The following LHFPL6 variants were observed in gnomAD, a reference collection of about 807,000 sequenced individuals.
LHFPL6 encodes LHFPL tetraspan subfamily member 6.
In LHFPL6, 9 loss-of-function variants were observed where a neutral mutation model predicts 20.6. The ratio of observed to expected loss-of-function variants is 0.44; its 90% confidence interval spans 0.26 to 0.76. LHFPL6 has a LOEUF of 0.76. LHFPL6 is among the 30% of genes least tolerant of loss of function. The pLI is 0.20. For synonymous variants in LHFPL6, 105 were observed against 98.7 expected, an observed-to-expected ratio of 1.06 and a Z score of -0.38; for missense variants, 218 against 253.5, an observed-to-expected ratio of 0.86 and a Z score of 0.95.
chr13:39,429,548 A>T (rs148728459), intron 2 of LHFPL6, among the ~76,000 whole-genome samples: 1 of 152,236 alleles, frequency 6.6e-6, no homozygotes, highest in Admixed American at 6.5e-5. Context: ...TTACATTTTT[A>T]TACAATCTGA....
intron 2 of LHFPL6, among the ~76,000 whole-genome samples, chr13:39,392,187 T>C (rs1189431043): frequency 6.6e-6 from 1 of 152,134 alleles, no homozygotes; most frequent in Non-Finnish European, 1.5e-5. Context: ...ATAAAGTATT[T>C]TACAAAGGAA....
chr13:39,497,824 T>A (rs1016894700), intron 2 of LHFPL6, among the ~76,000 whole-genome samples: 6 of 152,216 alleles, frequency 3.9e-5, no homozygotes, highest in Non-Finnish European at 8.8e-5. Context: ...AATAGCATTA[T>A]CTGATTTAAT....
intron 2 of LHFPL6, among the ~76,000 whole-genome samples, chr13:39,576,171 T>C (rs867215414): frequency 2.0e-5 from 3 of 152,228 alleles, no homozygotes; most frequent in Non-Finnish European, 4.4e-5. Flanking sequence ...AAGCCCATTT[T>C]TCACTGCTCT....
At chr13:39,417,508 G>T (rs9548758) in intron 2 of LHFPL6, among the ~76,000 whole-genome samples, 1 of 151,916 alleles carries the variant, frequency 6.6e-6, no homozygotes, top group African/African-American at 2.4e-5. Flanking sequence ...CTTTCCACCC[G>T]CTCAAAAGGC....
chr13:39,563,282 A>G (rs7983392), intron 2 of LHFPL6, among the ~76,000 whole-genome samples: 8,405 of 152,290 alleles, frequency 0.055, 377 homozygotes, highest in African/African-American at 0.12. Flanking sequence ...AATTATATAG[A>G]TCATATAAAA....
At chr13:39,557,362 C>T (rs11618841) in intron 2 of LHFPL6, among the ~76,000 whole-genome samples, 52,953 of 152,106 alleles carry the variant, frequency 0.35, 9,650 homozygotes, top group African/African-American at 0.47. Flanking sequence ...AATGCAAGAG[C>T]GAAGGGGGCT....
At chr13:39,468,031 C>T (rs1371038856) in intron 2 of LHFPL6, among the ~76,000 whole-genome samples, 1 of 152,166 alleles carries the variant, frequency 6.6e-6, no homozygotes, top group Non-Finnish European at 1.5e-5. Flanking sequence ...TCCTCTTTTG[C>T]CCCATGCCTG....
intron 2 of LHFPL6, among the ~76,000 whole-genome samples, chr13:39,465,203 T>C (rs116252976): frequency 0.014 from 2,071 of 152,312 alleles, 49 homozygotes; most frequent in African/African-American, 0.047. Context: ...AGCTTATCGA[T>C]TGTAGTCTTA....
chr13:39,473,991 A>G (rs2138439106), intron 2 of LHFPL6, among the ~76,000 whole-genome samples: 1 of 152,364 alleles, frequency 6.6e-6, no homozygotes, highest in South Asian at 2.1e-4. Context: ...AATGTCCTCA[A>G]TATGTTAGGA....
intron 2 of LHFPL6, among the ~76,000 whole-genome samples, chr13:39,574,725 A>T (rs1872055566): frequency 6.6e-6 from 1 of 152,176 alleles, no homozygotes; most frequent in Non-Finnish European, 1.5e-5. Context: ...TGTGCAAGGC[A>T]AGTGTACTGG....
At chr13:39,522,274 G>C (rs1434626453) in intron 2 of LHFPL6, among the ~76,000 whole-genome samples, 1 of 152,224 alleles carries the variant, frequency 6.6e-6, no homozygotes. Flanking sequence ...AGACAGATAA[G>C]CTGAGGCACA....
At chr13:39,353,895 T>C (rs7990125) in intron 3 of LHFPL6, among the ~76,000 whole-genome samples, 18,812 of 152,174 alleles carry the variant, frequency 0.12, 1,545 homozygotes, top group South Asian at 0.22. Context: ...ATGCATATAA[T>C]GGGAATACCG....
chr13:39,412,499 C>G (rs1459480287), intron 2 of LHFPL6, among the ~76,000 whole-genome samples: 1 of 152,182 alleles, frequency 6.6e-6, no homozygotes, highest in Non-Finnish European at 1.5e-5. Flanking sequence ...TGAGAACTAA[C>G]TATGTTTTGG....
At chr13:39,565,839 A>G (rs1871696552) in intron 2 of LHFPL6, among the ~76,000 whole-genome samples, 1 of 152,226 alleles carries the variant, frequency 6.6e-6, no homozygotes, top group African/African-American at 2.4e-5. Flanking sequence ...CCCAGGCAGA[A>G]TGGGTTCCAA....
At chr13:39,442,835 A>C (rs926872225) in intron 2 of LHFPL6, among the ~76,000 whole-genome samples, 4 of 152,178 alleles carry the variant, frequency 2.6e-5, no homozygotes, top group Non-Finnish European at 5.9e-5. Context: ...TGGTGAGAAC[A>C]ACTCAGGGAC....
intron 2 of LHFPL6, among the ~76,000 whole-genome samples, chr13:39,580,506 C>T (rs1392513118): frequency 6.6e-6 from 1 of 152,074 alleles, no homozygotes; most frequent in East Asian, 1.9e-4. Context: ...GAAAATAGAA[C>T]CAAAGTCCTT....
intron 2 of LHFPL6, among the ~76,000 whole-genome samples, chr13:39,569,969 A>G (rs1170335848): frequency 1.3e-5 from 2 of 152,328 alleles, no homozygotes; most frequent in African/African-American, 4.8e-5. Context: ...ATGATTTAGA[A>G]TGGTGGAAGA....
chr13:39,571,640 T>G (rs1373761452), intron 2 of LHFPL6, among the ~76,000 whole-genome samples: 1 of 152,040 alleles, frequency 6.6e-6, no homozygotes, highest in Non-Finnish European at 1.5e-5. Flanking sequence ...GGGTATCCAG[T>G]AAGGCTGTCA....
At chr13:39,379,352 T>G (rs1870378295) in intron 2 of LHFPL6, among the ~76,000 whole-genome samples, 2 of 152,068 alleles carry the variant, frequency 1.3e-5, no homozygotes, top group South Asian at 2.1e-4. Flanking sequence ...AAGTAAGATC[T>G]TGTTGTGTCA....
Sources: allele counts gnomAD v4.1 joint callset (sites outside exome capture counted in the v4.1 genomes callset), GRCh38; gene constraint gnomAD v4.1.1; transcripts MANE v1.5; gene names NCBI Gene and HGNC (gene_info 2026-07-23, HGNC 2026-07-21).